APCDD1L: variants seen among roughly 807,000 people sequenced by gnomAD.
The protein encoded by APCDD1L is protein APCDD1-like.
APCDD1L carries 21 observed loss-of-function variants against 24.2 expected under a neutral mutation model. That is an observed-to-expected ratio of 0.87 (90% CI 0.61 to 1.25). The LOEUF (loss-of-function observed/expected upper bound fraction) is 1.25. Among genes scored for constraint, APCDD1L ranks in the 50% most tolerant of loss-of-function variants. The pLI is 0.00. For synonymous variants in APCDD1L, 321 were observed against 323.6 expected, an observed-to-expected ratio of 0.99 and a Z score of 0.09; for missense variants, 704 against 711.7, an observed-to-expected ratio of 0.99 and a Z score of 0.12.
chr20:58,501,919 C>T (rs1417910394), intron 1 of APCDD1L, among the ~76,000 whole-genome samples: 2 of 152,222 alleles, frequency 1.3e-5, no homozygotes, highest in Non-Finnish European at 2.9e-5. Flanking sequence ...GTTGGTTCCT[C>T]TCATCCTGGA....
At chr20:58,487,911 A>G (rs1990152831) in intron 1 of APCDD1L, among the ~76,000 whole-genome samples, 1 of 152,202 alleles carries the variant, frequency 6.6e-6, no homozygotes, top group Non-Finnish European at 1.5e-5. Context: ...CCAAAGCTTA[A>G]AAAACACAAT....
Position 58,461,694 on chromosome 20 carries a change from C to T in APCDD1L, c.742-140G>A, listed in dbSNP as rs981376946. 2.3e-6 allele frequency: 2 copies of T among 883,758 alleles called. No individual in the cohort carries two copies. The highest frequency in any genetic ancestry group is 1.5e-6 in the Non-Finnish European group (1 of 659,088). 54.7% of individuals were successfully genotyped at this position (883,758 alleles called of 1,614,324 possible). On this transcript the variant is annotated intron_variant, in intron 3 of 3. Transcript: ENST00000371149. The surrounding 1 kb of genome is among the most constrained non-coding windows in gnomAD (Gnocchi z 6.0). The stretch of plus-strand genomic sequence containing the variant: ...TCCCTCCCTCCTCTCTCTCCTCACT[C>T]CCTGCCTTCAGTCAGGACGACCTCC...
chr20:58,507,993 A>G (rs1361521971), intron 1 of APCDD1L, among the ~76,000 whole-genome samples: 1 of 152,244 alleles, frequency 6.6e-6, no homozygotes, highest in Non-Finnish European at 1.5e-5. Flanking sequence ...GGGTTAGTGA[A>G]GATGTAAGAA....
At chr20:58,471,640 G>C (rs1257584319) in intron 1 of APCDD1L, among the ~76,000 whole-genome samples, 1 of 152,254 alleles carries the variant, frequency 6.6e-6, no homozygotes, top group Non-Finnish European at 1.5e-5. Flanking sequence ...AGAGGCGAGA[G>C]TGCCAAAACC....
At position 58,467,795 on chromosome 20, in the gene APCDD1L, C is replaced by T. The variant is rs967763206; in HGVS notation, c.189-137G>A. On this transcript the variant is annotated intron_variant, in intron 2 of 3. Transcript: ENST00000371149. The surrounding 1 kb of genome is among the most constrained non-coding windows in gnomAD (Gnocchi z 5.9). ...GCTCAGGCCTGGGCCCCTCCAGCCT[C>T]AGTTCCCCTCACTGCTCGCAGTCAG... 4 of 878,664 alleles carry T rather than the reference C, an allele frequency of 4.6e-6. No homozygotes were observed. The highest frequency in any genetic ancestry group is 6.2e-6 in the Non-Finnish European group (4 of 643,866). 54.4% of individuals were successfully genotyped at this position (878,664 alleles called of 1,614,324 possible).
chr20:58,466,143 A>AAAAAG (rs1989701100), intron 3 of APCDD1L, among the ~76,000 whole-genome samples: 1 of 150,116 alleles, frequency 6.7e-6, no homozygotes, highest in Non-Finnish European at 1.5e-5. Flanking sequence ...AAAAAAAAAA[A>AAAAAG]GTGTGCTGGG....
At chr20:58,491,618 C>G (rs774823856) in intron 1 of APCDD1L, among the ~76,000 whole-genome samples, 1 of 152,128 alleles carries the variant, frequency 6.6e-6, no homozygotes, top group Non-Finnish European at 1.5e-5. Context: ...GAGATATATT[C>G]AAGGATAGAC....
intron 1 of APCDD1L, among the ~76,000 whole-genome samples, chr20:58,488,657 A>C (rs1346238907): frequency 6.6e-6 from 1 of 152,216 alleles, no homozygotes; most frequent in African/African-American, 2.4e-5. Flanking sequence ...TCAAAAGAAC[A>C]CTGATCTTAG....
In APCDD1L at chr20:58,504,769, C is replaced by A. The variant is rs1426834647; in HGVS notation, c.49+9890G>T. Among the ~76,000 whole-genome samples the A allele has an allele frequency of 3.9e-5, 6 of 152,132 alleles. 1 individual carries two copies. Among genetic ancestry groups the A allele is most frequent in the African/African-American group, 1.4e-4 (6 of 41,432 alleles). On this transcript the variant is annotated intron_variant, in intron 1 of 3. Coordinates refer to ENST00000371149, the MANE Select transcript of APCDD1L (RefSeq NM_153360.3). ...TATCTAAACATCTAGATGTTTGGGG[C>A]CCCGATGTTCCCCAAATCCATTCCC...
At chr20:58,465,707 T>C (rs1393110381) in intron 3 of APCDD1L, among the ~76,000 whole-genome samples, 1 of 152,212 alleles carries the variant, frequency 6.6e-6, no homozygotes, top group East Asian at 1.9e-4. Context: ...TTAACATTTC[T>C]TCTCATTGTA....
chr20:58,499,230 G>C (rs1990383595), intron 1 of APCDD1L, among the ~76,000 whole-genome samples: 1 of 152,176 alleles, frequency 6.6e-6, no homozygotes, highest in Non-Finnish European at 1.5e-5. Context: ...CAGGGGCTGT[G>C]TGTCCTCCTG....
intron 1 of APCDD1L, among the ~76,000 whole-genome samples, chr20:58,474,870 CA>C (rs1301969360): frequency 5.1e-4 from 78 of 152,294 alleles, no homozygotes; most frequent in African/African-American, 1.9e-3. Flanking sequence ...TGCCCATCAG[CA>C]GTCACTCCCG....
At position 58,497,042 on chromosome 20, in the gene APCDD1L, G is replaced by T. The variant is rs1077349; in HGVS notation, c.49+17617C>A. ...TAGAAGGTCTGAACTTGCAGACACC[G>T]GCCAGTGACAGGGGCCCTTTGAGGA... On this transcript the variant is annotated intron_variant, in intron 1 of 3. Transcript: ENST00000371149. This position sits in a 1 kb window ranked among gnomAD's most constrained non-coding sequence, Gnocchi z 4.3. Among the ~76,000 whole-genome samples the T allele has an allele frequency of 6.6e-6, 1 of 152,124 alleles. No homozygotes were observed. Among genetic ancestry groups the T allele is most frequent in the Non-Finnish European group, 1.5e-5 (1 of 68,018 alleles).
chr20:58,509,196 C>G (rs930486884), intron 1 of APCDD1L, among the ~76,000 whole-genome samples: 5 of 152,170 alleles, frequency 3.3e-5, no homozygotes, highest in Non-Finnish European at 7.3e-5. Context: ...AAGCCAGGAG[C>G]TGCCCAGGTA....
chr20:58,480,845 G>T (rs1018576459), intron 1 of APCDD1L, among the ~76,000 whole-genome samples: 3 of 152,212 alleles, frequency 2.0e-5, no homozygotes, highest in African/African-American at 7.2e-5. Flanking sequence ...CTCCCACCCA[G>T]TTGGAAACTG....
chr20:58,483,369 T>C (rs1990061761), intron 1 of APCDD1L, among the ~76,000 whole-genome samples: 1 of 149,738 alleles, frequency 6.7e-6, no homozygotes, highest in African/African-American at 2.5e-5. Flanking sequence ...GGTGTATGCT[T>C]TGAAAAGCAG....
intron 1 of APCDD1L, among the ~76,000 whole-genome samples, chr20:58,510,113 C>A (rs537230505): frequency 1.3e-5 from 2 of 152,308 alleles, no homozygotes; most frequent in African/African-American, 4.8e-5. Context: ...CTTCTTGAAC[C>A]TCCCAGCCTG....
chr20:58,470,608 C>T lies in APCDD1L; in HGVS notation c.188+1G>A, dbSNP rs1317292147. Reference sequence around the variant, plus strand: ...ATGGTCAGGATGACCTGAAGTCTTACCCTGTGGAGATCCAAGGTCCATTAA... The same window carrying T: ...ATGGTCAGGATGACCTGAAGTCTTATCCTGTGGAGATCCAAGGTCCATTAA... On this transcript the variant is annotated splice_donor_variant, in intron 2 of 3. Transcript: ENST00000371149. LOFTEE classifies it high-confidence loss of function. 6.3e-7 allele frequency: 1 copy of T among 1,588,010 alleles called. No homozygotes were observed. Among genetic ancestry groups the T allele is most frequent in the East Asian group, 2.3e-5 (1 of 44,198 alleles).
At chr20:58,505,785 A>G (rs1368770452) in intron 1 of APCDD1L, among the ~76,000 whole-genome samples, 1 of 152,186 alleles carries the variant, frequency 6.6e-6, no homozygotes, top group African/African-American at 2.4e-5. Context: ...AATTAAAATG[A>G]GGTCCTACTG....
Sources: gnomAD v4.1 joint callset for allele counts (sites outside exome capture counted in the v4.1 genomes callset) on GRCh38, gnomAD v4.1.1 for gene constraint, Gnocchi (gnomAD v3.1) non-coding constraint, MANE v1.5 for transcripts, NCBI Gene and HGNC (gene_info 2026-07-23, HGNC 2026-07-21) for gene names.